The following THSD7A variants were observed in gnomAD, a reference collection of about 807,000 sequenced individuals.
THSD7A encodes thrombospondin type 1 domain containing 7A.
Under a neutral mutation model 231.3 loss-of-function variants are expected in THSD7A, and 96 were observed. The observed-to-expected ratio is 0.41, with a 90% confidence interval of 0.35 to 0.49. The LOEUF is 0.49. THSD7A is among the 20% of genes least tolerant of loss of function. THSD7A has a pLI of 0.05. For missense variants in THSD7A, 2,290 were observed against 2,070.2 expected (o/e 1.11, Z -2.06); for synonymous variants, 940 against 743.3 (o/e 1.26, Z -4.30).
intron 1 of THSD7A, chr7:11,820,326 T>G: frequency 2.4e-6 from 2 of 818,914 alleles, no homozygotes; most frequent in Non-Finnish European, 3.5e-6. Context: ...CCTACTCGGT[T>G]GTGGGCTGTA....
intron 1 of THSD7A, among the ~76,000 whole-genome samples, chr7:11,724,057 T>A (rs111462643): frequency 0.013 from 2,019 of 151,618 alleles, 43 homozygotes; most frequent in African/African-American, 0.046. Flanking sequence ...ATAATAGGAG[T>A]GAAGATGGTG....
chr7:11,642,460 T>C (rs1313011388), intron 1 of THSD7A, among the ~76,000 whole-genome samples: 2 of 152,266 alleles, frequency 1.3e-5, no homozygotes, highest in East Asian at 3.9e-4. Flanking sequence ...ATTTGTAGGA[T>C]GGTGTTTACT....
intron 1 of THSD7A, among the ~76,000 whole-genome samples, chr7:11,721,565 A>G (rs1781354240): frequency 6.6e-6 from 1 of 151,758 alleles, no homozygotes; most frequent in South Asian, 2.1e-4. Context: ...ACCTAGTCTC[A>G]GGTAGTTCTT....
At chr7:11,469,444 C>T (rs970034373) in intron 9 of THSD7A, among the ~76,000 whole-genome samples, 1 of 152,076 alleles carries the variant, frequency 6.6e-6, no homozygotes, top group African/African-American at 2.4e-5. Context: ...TTTTCTCTTT[C>T]TTTTATTCCT....
chr7:11,748,376 T>C (rs918949618), intron 1 of THSD7A, among the ~76,000 whole-genome samples: 1 of 151,936 alleles, frequency 6.6e-6, no homozygotes, highest in Non-Finnish European at 1.5e-5. Flanking sequence ...TAGTAGGCGA[T>C]TGGAGATAAA....
intron 7 of THSD7A, among the ~76,000 whole-genome samples, chr7:11,477,847 A>G (rs12216656): frequency 0.13 from 20,100 of 152,194 alleles, 1,532 homozygotes; most frequent in Middle Eastern, 0.19. Context: ...TGCTGCTCTC[A>G]GGTCTTTTCA....
intron 1 of THSD7A, among the ~76,000 whole-genome samples, chr7:11,739,515 G>A (rs114442590): frequency 0.026 from 3,938 of 152,034 alleles, 164 homozygotes; most frequent in African/African-American, 0.089. Context: ...ATAGCCAGAT[G>A]AGTACCATTC....
intron 1 of THSD7A, among the ~76,000 whole-genome samples, chr7:11,722,206 C>T (rs1781380799): frequency 6.6e-6 from 1 of 151,780 alleles, no homozygotes; most frequent in Non-Finnish European, 1.5e-5. Context: ...TGAAAACGGT[C>T]CCTCTCTAAA....
intron 23 of THSD7A, among the ~76,000 whole-genome samples, chr7:11,386,796 C>T (rs1189000714): frequency 1.3e-5 from 2 of 152,120 alleles, no homozygotes; most frequent in Non-Finnish European, 2.9e-5. Flanking sequence ...ATGCCTATGT[C>T]CTGAATAGTA....
intron 9 of THSD7A, among the ~76,000 whole-genome samples, chr7:11,466,628 C>G (rs1344997217): frequency 6.6e-6 from 1 of 151,988 alleles, no homozygotes; most frequent in Non-Finnish European, 1.5e-5. Context: ...TTCTGAAAAC[C>G]TTTTGTTCTA....
At chr7:11,823,987 G>A (rs939471772) in intron 1 of THSD7A, among the ~76,000 whole-genome samples, 1 of 151,796 alleles carries the variant, frequency 6.6e-6, no homozygotes, top group African/African-American at 2.4e-5. Context: ...GATCACCTAT[G>A]AAGTAAAAAT....
At chr7:11,650,193 G>A (rs1387939800) in intron 1 of THSD7A, among the ~76,000 whole-genome samples, 1 of 151,982 alleles carries the variant, frequency 6.6e-6, no homozygotes, top group East Asian at 1.9e-4. Context: ...ATATGGTTAA[G>A]TTTATAATAG....
chr7:11,706,159 C>T (rs1402360559), intron 1 of THSD7A, among the ~76,000 whole-genome samples: 2 of 150,874 alleles, frequency 1.3e-5, no homozygotes, highest in Non-Finnish European at 3.0e-5. Flanking sequence ...TAATGTCAGA[C>T]ATCATACTTA....
chr7:11,590,554 G>A lies in THSD7A; in HGVS notation c.1359C>T (p.Ala453=), dbSNP rs200122517. The change falls in exon 4 of 28, where the codon GCC becomes GCT. Residue 453 remains alanine, a synonymous_variant. Transcript: ENST00000423059. This position sits in a 1 kb window ranked among gnomAD's most constrained non-coding sequence, Gnocchi z 4.4. The stretch of plus-strand genomic sequence containing the variant: ...GGGTCTGGATGCCCCCTCCACAGAG[G>A]GCCGTCTGGTTGCCGCGCCTCTTGT... The part of the protein sequence containing the change: ...QQDKRRGNQT[A]LCGGGIQTRE... 3.8e-5 allele frequency: 62 copies of A among 1,613,784 alleles called. No homozygotes were observed. Among genetic ancestry groups the A allele is most frequent in the African/African-American group, 1.2e-4 (9 of 74,922 alleles).
chr7:11,546,696 C>A (rs1464987215), intron 4 of THSD7A, among the ~76,000 whole-genome samples: 2 of 152,114 alleles, frequency 1.3e-5, no homozygotes, highest in Non-Finnish European at 2.9e-5. Flanking sequence ...CACTAGTTCC[C>A]CAGCACTGGT....
chr7:11,595,758 C>T (rs1161588996), intron 2 of THSD7A, among the ~76,000 whole-genome samples: 1 of 152,174 alleles, frequency 6.6e-6, no homozygotes, highest in Non-Finnish European at 1.5e-5. Context: ...CAGTGGAAAC[C>T]AAAGTCACTC....
intron 1 of THSD7A, among the ~76,000 whole-genome samples, chr7:11,736,383 A>T (rs191351546): frequency 1.4e-4 from 22 of 151,824 alleles, no homozygotes; most frequent in African/African-American, 5.1e-4. Context: ...ATCACTTGAG[A>T]TCAGGAGTTT....
chr7:11,403,907 C>CTAATT (rs960137318), intron 22 of THSD7A, among the ~76,000 whole-genome samples: 1 of 152,088 alleles, frequency 6.6e-6, no homozygotes, highest in African/African-American at 2.4e-5. Context: ...GATGTATTTC[C>CTAATT]TAATTTAGTA....
intron 11 of THSD7A, among the ~76,000 whole-genome samples, chr7:11,455,213 C>G (rs968924688): frequency 6.6e-6 from 1 of 151,972 alleles, no homozygotes; most frequent in South Asian, 2.1e-4. Flanking sequence ...TCGTCAAGAA[C>G]CAAATTGGCT....
Sources: allele counts gnomAD v4.1 joint callset (sites outside exome capture counted in the v4.1 genomes callset), GRCh38; gene constraint gnomAD v4.1.1; non-coding constraint Gnocchi (gnomAD v3.1); transcripts MANE v1.5; gene names NCBI Gene and HGNC (gene_info 2026-07-23, HGNC 2026-07-21).